DOCK4: variants seen among roughly 807,000 people sequenced by gnomAD.
The protein encoded by DOCK4 is dedicator of cytokinesis protein 4.
A neutral mutation model predicts 268.1 loss-of-function variants in DOCK4; 97 were observed. The ratio of observed to expected loss-of-function variants is 0.36; its 90% CI spans 0.31 to 0.43. DOCK4 has a LOEUF of 0.43. Among genes scored for constraint, DOCK4 ranks in the 20% least tolerant of loss-of-function variants. The probability of loss-of-function intolerance (pLI) is 1.00; values close to 1 mark genes in which losing one functional copy is unlikely to be tolerated. For synonymous variants in DOCK4, 954 were observed against 887.2 expected, an observed-to-expected ratio of 1.08 and a Z score of -1.34; for missense variants, 2,145 against 2,455.7, an observed-to-expected ratio of 0.87 and a Z score of 2.67.
At chr7:111,938,687 A>G (rs747662517) in intron 11 of DOCK4, among the ~76,000 whole-genome samples, 3 of 152,234 alleles carry the variant, frequency 2.0e-5, no homozygotes, top group African/African-American at 4.8e-5. Context: ...CAACAAAGGT[A>G]ACGTTGAAGT....
At chr7:111,746,032 A>G (rs1223418921) in intron 44 of DOCK4, among the ~76,000 whole-genome samples, 19 of 152,332 alleles carry the variant, frequency 1.2e-4, no homozygotes, top group African/African-American at 4.1e-4. Flanking sequence ...CTCCCCCAAG[A>G]TATCTCTTAT....
chr7:112,085,893 A>C (rs548555081), intron 1 of DOCK4, among the ~76,000 whole-genome samples: 1 of 152,280 alleles, frequency 6.6e-6, no homozygotes, highest in East Asian at 1.9e-4. Context: ...TTGCCAAAAA[A>C]AGCAAATAAA....
chr7:111,871,193 ATGCCCACAGG>A (rs1463162190), intron 20 of DOCK4, among the ~76,000 whole-genome samples: 1 of 152,218 alleles, frequency 6.6e-6, no homozygotes, highest in Non-Finnish European at 1.5e-5. Context: ...AGGCATGTGC[ATGCCCACAGG>A]TGCTTAAGGT....
chr7:111,851,444 C>CAAAA (rs71524820), intron 23 of DOCK4, among the ~76,000 whole-genome samples: 10 of 73,086 alleles, frequency 1.4e-4, no homozygotes, highest in African/African-American at 2.1e-4. Flanking sequence ...GACTCCATCT[C>CAAAA]AAAAAAAAAA....
chr7:111,737,121 G>C, intron 49 of DOCK4, 132 bp from the exon 50 acceptor site: 1 of 684,506 alleles, frequency 1.5e-6, no homozygotes, highest in Non-Finnish European at 2.4e-6. Flanking sequence ...ATGAGCCTAG[G>C]AACAAATAAT....
intron 8 of DOCK4, among the ~76,000 whole-genome samples, chr7:111,973,171 A>G (rs1224080543): frequency 2.1e-5 from 3 of 144,194 alleles, no homozygotes; most frequent in Non-Finnish European, 4.5e-5. Flanking sequence ...ATATATATAT[A>G]TATATATATA....
chr7:111,830,705 C>A (rs1432336575), intron 26 of DOCK4, among the ~76,000 whole-genome samples: 2 of 152,028 alleles, frequency 1.3e-5, no homozygotes, highest in Non-Finnish European at 2.9e-5. Context: ...AAGTCTCCTC[C>A]ATCATAAGTA....
intron 30 of DOCK4, among the ~76,000 whole-genome samples, chr7:111,804,606 TA>T (rs1394827117): frequency 2.6e-5 from 4 of 152,090 alleles, no homozygotes; most frequent in Non-Finnish European, 4.4e-5. Context: ...TATTTATTTT[TA>T]TTTTTTTTTT....
At chr7:112,111,171 G>A (rs1811616806) in intron 1 of DOCK4, among the ~76,000 whole-genome samples, 1 of 152,200 alleles carries the variant, frequency 6.6e-6, no homozygotes, top group Non-Finnish European at 1.5e-5. Context: ...TCAATAGCTA[G>A]TGCCTGACAG....
chr7:112,051,348 G>A (rs1316113617), intron 1 of DOCK4, among the ~76,000 whole-genome samples: 1 of 152,018 alleles, frequency 6.6e-6, no homozygotes, highest in African/African-American at 2.4e-5. Flanking sequence ...ATGGAGGGTA[G>A]GTTTGGTGGC....
intron 1 of DOCK4, among the ~76,000 whole-genome samples, chr7:112,029,036 TTTC>T (rs1397050385): frequency 6.6e-6 from 1 of 152,230 alleles, no homozygotes; most frequent in Non-Finnish European, 1.5e-5. Context: ...ATTTTGAGTT[TTTC>T]TTCTTCTGTT....
intron 1 of DOCK4, among the ~76,000 whole-genome samples, chr7:112,014,043 T>C (rs1180768968): frequency 1.3e-5 from 2 of 152,254 alleles, no homozygotes; most frequent in African/African-American, 4.8e-5. Context: ...AGTTGACTTA[T>C]TTATTAAATT....
intron 7 of DOCK4, among the ~76,000 whole-genome samples, chr7:111,979,738 T>C (rs912532326): frequency 6.6e-6 from 1 of 152,172 alleles, no homozygotes; most frequent in African/African-American, 2.4e-5. Context: ...CTTAAGGAGA[T>C]ATCCTCTCTT....
chr7:112,039,802 CTG>C (rs1224763464), intron 1 of DOCK4, among the ~76,000 whole-genome samples: 2 of 152,086 alleles, frequency 1.3e-5, no homozygotes, highest in African/African-American at 4.8e-5. Context: ...ATGTTAATAA[CTG>C]AGTTTGAGTT....
intron 26 of DOCK4, among the ~76,000 whole-genome samples, chr7:111,826,832 G>T (rs149695522): frequency 6.6e-6 from 1 of 151,938 alleles, no homozygotes; most frequent in African/African-American, 2.4e-5. Context: ...TCAGCATCAC[G>T]CAATATATTC....
chr7:112,111,554 T>C (rs1811656137), intron 1 of DOCK4, among the ~76,000 whole-genome samples: 1 of 152,218 alleles, frequency 6.6e-6, no homozygotes, highest in African/African-American at 2.4e-5. Flanking sequence ...ATTTTAATTC[T>C]AGACAGTAAT....
intron 1 of DOCK4, among the ~76,000 whole-genome samples, chr7:112,086,948 C>A (rs1809146487): frequency 6.6e-6 from 1 of 151,998 alleles, no homozygotes; most frequent in African/African-American, 2.4e-5. Context: ...AAAAACAAAT[C>A]AGAAAAAGAC....
intron 1 of DOCK4, among the ~76,000 whole-genome samples, chr7:112,130,573 T>C (rs1471439095): frequency 1.3e-5 from 2 of 152,194 alleles, no homozygotes; most frequent in East Asian, 1.9e-4. Context: ...CTAGTGATGA[T>C]GGATATCAAA....
chr7:111,775,729 A>T (rs1005921074), intron 36 of DOCK4, among the ~76,000 whole-genome samples: 5 of 152,198 alleles, frequency 3.3e-5, no homozygotes, highest in Non-Finnish European at 7.4e-5. Flanking sequence ...TCAGAAACAA[A>T]GCTGCACACT....
Sources: allele counts gnomAD v4.1 joint callset (sites outside exome capture counted in the v4.1 genomes callset), GRCh38; gene constraint gnomAD v4.1.1; transcripts MANE v1.5; gene names NCBI Gene and HGNC (gene_info 2026-07-23, HGNC 2026-07-21).